Variants in WWOX observed in about 807,000 individuals in gnomAD.
WWOX encodes WW domain containing oxidoreductase, also known as WW domain-containing oxidoreductase.
A neutral mutation model predicts 46.2 loss-of-function variants in WWOX; 69 were observed. That is an observed-to-expected ratio of 1.49 (90% CI 1.23 to 1.82). WWOX has a LOEUF of 1.82. Among genes scored for constraint, WWOX ranks in the 40% most tolerant of loss-of-function variants. WWOX has a pLI of 0.00. For missense variants in WWOX, 919 were observed against 542.6 expected (o/e 1.69, Z -6.89); for synonymous variants, 359 against 202.6 (o/e 1.77, Z -6.56).
chr16:78,798,309 G>C (rs974289697), intron 8 of WWOX, among the ~76,000 whole-genome samples: 1 of 151,574 alleles, frequency 6.6e-6, no homozygotes, highest in Non-Finnish European at 1.5e-5. Flanking sequence ...CTTTTCAAGA[G>C]AGAGAAAAAA....
At chr16:78,445,665 C>G (rs907832022) in intron 8 of WWOX, among the ~76,000 whole-genome samples, 8 of 152,100 alleles carry the variant, frequency 5.3e-5, no homozygotes, top group Non-Finnish European at 7.4e-5. Flanking sequence ...TCACTTGAGG[C>G]CGGGAGTTTG....
intron 8 of WWOX, among the ~76,000 whole-genome samples, chr16:78,583,318 G>C (rs922779111): frequency 6.6e-6 from 1 of 152,160 alleles, no homozygotes; most frequent in African/African-American, 2.4e-5. Context: ...CAAAGGAAAT[G>C]TTGGCACTTC....
chr16:78,718,505 T>A (rs368964282), intron 8 of WWOX, among the ~76,000 whole-genome samples: 1 of 152,274 alleles, frequency 6.6e-6, no homozygotes, highest in East Asian at 1.9e-4. Context: ...TGATGTTCAA[T>A]AAAAATGAAT....
At chr16:78,990,078 G>A (rs1278214147) in intron 8 of WWOX, among the ~76,000 whole-genome samples, 1 of 151,760 alleles carries the variant, frequency 6.6e-6, no homozygotes, top group South Asian at 2.1e-4. Context: ...CAGCTACTCG[G>A]GAGGCTGAAG....
intron 8 of WWOX, among the ~76,000 whole-genome samples, chr16:78,757,952 G>C (rs2049696861): frequency 6.6e-6 from 1 of 151,918 alleles, no homozygotes; most frequent in African/African-American, 2.4e-5. Context: ...TATGAGTTTG[G>C]GGGGACACAT....
chr16:78,615,802 G>A (rs2046008632), intron 8 of WWOX, among the ~76,000 whole-genome samples: 1 of 151,422 alleles, frequency 6.6e-6, no homozygotes, highest in South Asian at 2.1e-4. Context: ...CCAGGCTGGA[G>A]TGCAGTGGCA....
intron 8 of WWOX, among the ~76,000 whole-genome samples, chr16:78,582,721 G>C (rs951331867): frequency 2.0e-5 from 3 of 152,114 alleles, no homozygotes; most frequent in African/African-American, 4.8e-5. Context: ...TTATGCATAG[G>C]GTTGTTAGAA....
At chr16:78,889,599 C>T (rs556888764) in intron 8 of WWOX, among the ~76,000 whole-genome samples, 3 of 152,126 alleles carry the variant, frequency 2.0e-5, no homozygotes, top group Non-Finnish European at 4.4e-5. Flanking sequence ...CTTGAAAGTA[C>T]TAAGCGTGCC....
chr16:78,778,300 A>G (rs1282924929), intron 8 of WWOX, among the ~76,000 whole-genome samples: 1 of 152,078 alleles, frequency 6.6e-6, no homozygotes, highest in Non-Finnish European at 1.5e-5. Flanking sequence ...AACCACTGAT[A>G]CGCCGCCAGC....
chr16:78,208,417 C>G lies in WWOX; in HGVS notation c.516+44128C>G, dbSNP rs187935109. Among the ~76,000 whole-genome samples the G allele has an allele frequency of 2.9e-3, 449 of 152,206 alleles. 1 individual carries two copies. Among genetic ancestry groups the G allele is most frequent in the African/African-American group, 0.011 (436 of 41,504 alleles). On this transcript the variant is annotated intron_variant, in intron 5 of 8. Coordinates refer to ENST00000566780, the MANE Select transcript of WWOX (RefSeq NM_016373.4). ...CATATGTATATGAAACGGTGAGAAACTGCGTATTTATTAAGAGTCACGACC... is the reference window on the plus strand; with the variant it reads ...CATATGTATATGAAACGGTGAGAAAGTGCGTATTTATTAAGAGTCACGACC...
intron 6 of WWOX, among the ~76,000 whole-genome samples, chr16:78,408,098 T>C (rs1262588733): frequency 6.6e-6 from 1 of 152,132 alleles, no homozygotes; most frequent in Non-Finnish European, 1.5e-5. Flanking sequence ...CGGTCCCTGT[T>C]GAAACCCCAC....
chr16:79,011,273 C>T (rs936982718), intron 8 of WWOX, among the ~76,000 whole-genome samples: 1 of 151,210 alleles, frequency 6.6e-6, no homozygotes, highest in African/African-American at 2.4e-5. Flanking sequence ...TCTATGCAAC[C>T]ATTTCACATC....
chr16:78,932,930 A>T (rs1423485313), intron 8 of WWOX, among the ~76,000 whole-genome samples: 6 of 152,206 alleles, frequency 3.9e-5, no homozygotes, highest in African/African-American at 1.4e-4. Context: ...GTCCAGGTTG[A>T]ACCTTGCTGC....
At chr16:78,445,725 A>T (rs1280794275) in intron 8 of WWOX, among the ~76,000 whole-genome samples, 1 of 152,102 alleles carries the variant, frequency 6.6e-6, no homozygotes, top group East Asian at 1.9e-4. Context: ...AAAATACAAA[A>T]ATATTATCTG....
At chr16:78,281,205 A>G (rs1597440778) in intron 5 of WWOX, among the ~76,000 whole-genome samples, 1 of 152,228 alleles carries the variant, frequency 6.6e-6, no homozygotes, top group Admixed American at 6.5e-5. Flanking sequence ...AAATGACCAG[A>G]TCTCCAGAGA....
intron 8 of WWOX, among the ~76,000 whole-genome samples, chr16:79,104,629 C>T (rs1470942714): frequency 1.3e-5 from 2 of 152,092 alleles, no homozygotes; most frequent in Admixed American, 6.6e-5. Flanking sequence ...ATATGTATGT[C>T]ACCATGTACC....
intron 8 of WWOX, among the ~76,000 whole-genome samples, chr16:78,526,947 C>G (rs1186722607): frequency 6.6e-6 from 1 of 152,122 alleles, no homozygotes; most frequent in African/African-American, 2.4e-5. Flanking sequence ...GGTGGATCAC[C>G]TGAGGTCAGG....
intron 8 of WWOX, among the ~76,000 whole-genome samples, chr16:78,611,592 C>T (rs538974029): frequency 6.6e-6 from 1 of 152,276 alleles, no homozygotes; most frequent in Non-Finnish European, 1.5e-5. Context: ...GTCTCAATTT[C>T]AGAGAGTTAT....
chr16:78,133,095 A>G (rs1486760229), intron 4 of WWOX, among the ~76,000 whole-genome samples: 1 of 152,156 alleles, frequency 6.6e-6, no homozygotes, highest in Non-Finnish European at 1.5e-5. Context: ...CTCACCATCA[A>G]CCTTGAGGGA....
Sources: allele counts gnomAD v4.1 joint callset (sites outside exome capture counted in the v4.1 genomes callset), GRCh38; gene constraint gnomAD v4.1.1; transcripts MANE v1.5; gene names NCBI Gene and HGNC (gene_info 2026-07-23, HGNC 2026-07-21).